CHRM3: variants seen among roughly 807,000 people sequenced by gnomAD.
CHRM3 encodes cholinergic receptor muscarinic 3, also known as muscarinic acetylcholine receptor M3.
In CHRM3, 11 loss-of-function variants were observed where a neutral mutation model predicts 41.8. That is an observed-to-expected ratio of 0.26 (90% CI 0.17 to 0.44). The LOEUF (loss-of-function observed/expected upper bound fraction) is 0.44. Among genes scored for constraint, CHRM3 ranks in the 20% least tolerant of loss-of-function variants. CHRM3 has a pLI of 1.00. For synonymous variants in CHRM3, 297 were observed against 301.4 expected (o/e 0.99, Z 0.15); for missense variants, 571 against 745.4 (o/e 0.77, Z 2.72).
intron 4 of CHRM3, among the ~76,000 whole-genome samples, chr1:239,637,652 G>A (rs1395554659): frequency 6.7e-6 from 1 of 149,174 alleles, no homozygotes; most frequent in Non-Finnish European, 1.5e-5. Context: ...ACAACACCGT[G>A]GGGTTGCCAA....
At chr1:239,516,167 TAA>T (rs1325937437) in intron 2 of CHRM3, among the ~76,000 whole-genome samples, 1 of 152,184 alleles carries the variant, frequency 6.6e-6, no homozygotes, top group Non-Finnish European at 1.5e-5. Flanking sequence ...CTTCATTAGC[TAA>T]GATTTGAAAG....
chr1:239,855,308 G>A (rs1675017202), intron 6 of CHRM3, among the ~76,000 whole-genome samples: 1 of 152,116 alleles, frequency 6.6e-6, no homozygotes. Flanking sequence ...CAGGTTTCTA[G>A]TTGACTCTTT....
intron 5 of CHRM3, among the ~76,000 whole-genome samples, chr1:239,763,415 T>C (rs184898558): frequency 6.6e-6 from 1 of 152,368 alleles, no homozygotes; most frequent in East Asian, 1.9e-4. Flanking sequence ...TTCTGTGAAA[T>C]ACTATTTCCA....
At chr1:239,404,360 GAAAGAAAGA>G (rs1660278618) in intron 1 of CHRM3, among the ~76,000 whole-genome samples, 1 of 48,862 alleles carries the variant, frequency 2.0e-5, no homozygotes, top group Non-Finnish European at 3.9e-5. Context: ...GAGAAAGAAA[GAAAGAAAGA>G]AAGAAAGAAA....
At chr1:239,792,332 T>C (rs1173446845) in intron 5 of CHRM3, among the ~76,000 whole-genome samples, 1 of 152,176 alleles carries the variant, frequency 6.6e-6, no homozygotes, top group East Asian at 1.9e-4. Flanking sequence ...GAAATCTCTG[T>C]GATCTCTCAG....
chr1:239,835,280 G>A (rs895349704), intron 6 of CHRM3, among the ~76,000 whole-genome samples: 1 of 152,178 alleles, frequency 6.6e-6, no homozygotes, highest in Admixed American at 6.5e-5. Context: ...GATGAACAGA[G>A]CTGGCTCTGC....
chr1:239,838,996 T>G (rs1231093920), intron 6 of CHRM3, among the ~76,000 whole-genome samples: 2 of 152,250 alleles, frequency 1.3e-5, no homozygotes, highest in African/African-American at 4.8e-5. Flanking sequence ...GGATAGGTTT[T>G]CTATGAAGAC....
chr1:239,491,587 G>A (rs555376573), intron 1 of CHRM3, among the ~76,000 whole-genome samples: 2 of 152,142 alleles, frequency 1.3e-5, no homozygotes, highest in Non-Finnish European at 2.9e-5. Flanking sequence ...TTCACGCACT[G>A]TTAGACAATT....
In CHRM3 at chr1:239,856,645, T is replaced by C. The variant is rs182101054; in HGVS notation, c.-20+29267T>C. Among the ~76,000 whole-genome samples, 661 of 152,220 alleles carry C rather than the reference T, an allele frequency of 4.3e-3. 9 individuals are homozygous for C. The highest frequency in any genetic ancestry group is 0.03 in the South Asian group (145 of 4,832). Reference sequence around the variant, plus strand: ...ATGGACTAATACAGATGGTATGAGATCGCTACCAGGAAGACAATTAAAAGC... The same window carrying C: ...ATGGACTAATACAGATGGTATGAGACCGCTACCAGGAAGACAATTAAAAGC... On this transcript the variant is annotated intron_variant, in intron 6 of 6. Transcript: ENST00000676153.
chr1:239,598,441 T>G (rs1378040099), intron 3 of CHRM3, among the ~76,000 whole-genome samples: 1 of 152,182 alleles, frequency 6.6e-6, no homozygotes, highest in Non-Finnish European at 1.5e-5. Context: ...ATTCTAAGCC[T>G]GAGCTTGCAA....
At chr1:239,572,299 A>G (rs1375499254) in intron 3 of CHRM3, among the ~76,000 whole-genome samples, 1 of 152,216 alleles carries the variant, frequency 6.6e-6, no homozygotes, top group Non-Finnish European at 1.5e-5. Context: ...ATGAGATTCC[A>G]ATTCAAAAGA....
At chr1:239,495,155 T>G (rs902469132) in intron 2 of CHRM3, among the ~76,000 whole-genome samples, 3 of 152,186 alleles carry the variant, frequency 2.0e-5, no homozygotes, top group Admixed American at 6.6e-5. Context: ...TTTTCAAAAT[T>G]CACATATTGA....
chr1:239,565,913 T>A (rs1661318689), intron 3 of CHRM3, among the ~76,000 whole-genome samples: 2 of 146,126 alleles, frequency 1.4e-5, no homozygotes, highest in East Asian at 3.9e-4. Context: ...CTTTTTTCTT[T>A]TTTTTTTTTT....
intron 1 of CHRM3, among the ~76,000 whole-genome samples, chr1:239,467,903 C>CA (rs960696527): frequency 4.5e-5 from 6 of 132,778 alleles, no homozygotes; most frequent in Non-Finnish European, 9.3e-5. Context: ...TTCCCTACCC[C>CA]CCCCCAACGT....
chr1:239,389,281 C>A (rs931511907), intron 1 of CHRM3, among the ~76,000 whole-genome samples: 6 of 152,184 alleles, frequency 3.9e-5, no homozygotes, highest in Admixed American at 2.0e-4. Context: ...ATTAAACCTA[C>A]ATTTAAGCTT....
chr1:239,662,680 T>C (rs1237519570), intron 4 of CHRM3, among the ~76,000 whole-genome samples: 2 of 152,128 alleles, frequency 1.3e-5, no homozygotes, highest in Non-Finnish European at 2.9e-5. Context: ...CCCAAGTTAA[T>C]AGTTTTCTGC....
At chr1:239,805,658 A>G (rs549379988) in intron 5 of CHRM3, among the ~76,000 whole-genome samples, 118 of 151,846 alleles carry the variant, frequency 7.8e-4, no homozygotes, top group African/African-American at 2.7e-3. Context: ...GTGTGTGTAT[A>G]CACATCTATA....
chr1:239,716,437 G>A (rs930988134), intron 5 of CHRM3, among the ~76,000 whole-genome samples: 2 of 151,990 alleles, frequency 1.3e-5, no homozygotes, highest in African/African-American at 2.4e-5. Flanking sequence ...TATAAAGCAG[G>A]TGCTGGTTGA....
At chr1:239,607,942 A>G (rs934515323) in intron 3 of CHRM3, among the ~76,000 whole-genome samples, 1 of 152,052 alleles carries the variant, frequency 6.6e-6, no homozygotes, top group Admixed American at 6.6e-5. Context: ...TTGCATTTAG[A>G]ATTAGAGAAA....
Sources: gnomAD v4.1 joint callset for allele counts (sites outside exome capture counted in the v4.1 genomes callset) on GRCh38, gnomAD v4.1.1 for gene constraint, MANE v1.5 for transcripts, NCBI Gene and HGNC (gene_info 2026-07-23, HGNC 2026-07-21) for gene names.